Variants in MB observed in about 807,000 individuals in gnomAD.
The protein encoded by MB is myoglobin.
Under a neutral mutation model 14.5 loss-of-function variants are expected in MB, and 10 were observed. The observed-to-expected ratio is 0.69, with a 90% CI of 0.43 to 1.17. The LOEUF is 1.17. MB is among the 50% of genes most tolerant of loss of function. MB has a pLI of 0.00. For synonymous variants in MB, 89 were observed against 78.6 expected (o/e 1.13, Z -0.70); for missense variants, 169 against 192.7 (o/e 0.88, Z 0.73).
chr22:35,608,103 T>C lies in MB; in HGVS notation c.319-660A>G, dbSNP rs1922295185. Among the ~76,000 whole-genome samples, 1 of 152,160 alleles carries C rather than the reference T, an allele frequency of 6.6e-6. No homozygotes were observed. The highest frequency in any genetic ancestry group is 1.5e-5 in the Non-Finnish European group (1 of 68,030). On this transcript the variant is annotated intron_variant, in intron 2 of 2. Transcript: ENST00000397326. This position sits in a 1 kb window ranked among gnomAD's most constrained non-coding sequence, Gnocchi z 4.3. ...GAATGTCTGCTATCAGCCTCAGCAT[T>C]GCCATTTGCTTTAGTACCCACAGTC...
At chr22:35,623,160 A>T (rs563662935) in intron 1 of MB, 2 of 152,452 alleles carry the variant, frequency 1.3e-5, no homozygotes, top group East Asian at 3.9e-4. Flanking sequence ...CACTTGAGAG[A>T]ACTGAGGCAC....
chr22:35,615,042 C>T (rs567730858), intron 1 of MB, among the ~76,000 whole-genome samples: 1 of 152,218 alleles, frequency 6.6e-6, no homozygotes, highest in Non-Finnish European at 1.5e-5. Context: ...CTCCAAGTGA[C>T]CTTCCAGCTT....
At chr22:35,615,423 C>T (rs1409432901) in intron 1 of MB, among the ~76,000 whole-genome samples, 2 of 152,168 alleles carry the variant, frequency 1.3e-5, no homozygotes, top group Non-Finnish European at 2.9e-5. Context: ...ATGTCTTATC[C>T]CTGGCTCCCG....
At chr22:35,621,359 T>C (rs1923447360), upstream of MB, among the ~76,000 whole-genome samples, 1 of 152,142 alleles carries the variant, frequency 6.6e-6, no homozygotes, top group Admixed American at 6.5e-5. Context: ...TGTAGAATCA[T>C]CCTCAAGGCT....
upstream of MB, among the ~76,000 whole-genome samples, chr22:35,621,611 C>T (rs1350055162): frequency 2.0e-5 from 3 of 152,194 alleles, no homozygotes; most frequent in Non-Finnish European, 4.4e-5. Flanking sequence ...TGCTTGAATA[C>T]TCCTGGGAGT....
At chr22:35,620,049 TG>T (rs1324692242), upstream of MB, among the ~76,000 whole-genome samples, 1 of 152,164 alleles carries the variant, frequency 6.6e-6, no homozygotes, top group East Asian at 1.9e-4. Context: ...TAAAATGCCA[TG>T]GGGGGCCGGG....
intron 1 of MB, among the ~76,000 whole-genome samples, chr22:35,611,660 G>A (rs1922640388): frequency 6.6e-6 from 1 of 152,120 alleles, no homozygotes; most frequent in Non-Finnish European, 1.5e-5. Flanking sequence ...GAACCTCCCA[G>A]TCCCCTCACT....
At chr22:35,610,825 C>G in intron 2 of MB, 59 bp downstream of exon 2, 1 of 1,376,708 alleles carries the variant, frequency 7.3e-7, no homozygotes, top group Non-Finnish European at 1.0e-6. Flanking sequence ...AACCCAGATC[C>G]CATTGCCCCA....
intron 2 of MB, among the ~76,000 whole-genome samples, chr22:35,607,870 G>A (rs917292134): frequency 5.3e-5 from 8 of 152,200 alleles, no homozygotes; most frequent in African/African-American, 1.9e-4. Context: ...TCAGGATTTT[G>A]CAATCAGAAA....
chr22:35,609,083 T>C (rs938811152), intron 2 of MB, among the ~76,000 whole-genome samples: 2 of 152,098 alleles, frequency 1.3e-5, no homozygotes, highest in African/African-American at 4.8e-5. Context: ...GGCTGCATGG[T>C]TTTTTCTATC....
At position 35,610,330 on chromosome 22, in the gene MB, G is replaced by A. The variant is rs1922510961; in HGVS notation, c.318+554C>T. Among the ~76,000 whole-genome samples, 5 of 152,320 alleles carry A rather than the reference G, an allele frequency of 3.3e-5. No individual in the cohort carries two copies. The South Asian group carries it at 1.0e-3, about 32-fold the overall frequency. ...GTCCTGTCTCTTCATCTGTGAAGAT[G>A]CTGGAACCAATAGAGCCAACCTGCT... On this transcript the variant is annotated intron_variant, in intron 2 of 2. Coordinates refer to ENST00000397326, the MANE Select transcript of MB (RefSeq NM_005368.3).
intron 1 of MB, 46 bp from the exon 2 acceptor site, chr22:35,611,152 G>A (rs753758895): frequency 2.5e-5 from 35 of 1,401,180 alleles, no homozygotes; most frequent in Non-Finnish European, 3.3e-5. Flanking sequence ...GGTGCGGTGT[G>A]AGGTCTGGGG....
At chr22:35,615,986 C>G (rs1923052727) in intron 1 of MB, among the ~76,000 whole-genome samples, 1 of 152,210 alleles carries the variant, frequency 6.6e-6, no homozygotes, top group Admixed American at 6.5e-5. Flanking sequence ...ACCAGCCATG[C>G]TCCCGAGGTA....
At chr22:35,611,213 C>G (rs950424793) in intron 1 of MB, 107 bp from the exon 2 acceptor site, 1 of 762,204 alleles carries the variant, frequency 1.3e-6, no homozygotes, top group Non-Finnish European at 2.2e-6. Context: ...AGCTGTGTGA[C>G]CTTGGGCCAT....
upstream of MB, among the ~76,000 whole-genome samples, chr22:35,619,911 G>T (rs975472859): frequency 2.0e-5 from 3 of 152,204 alleles, no homozygotes; most frequent in South Asian, 2.1e-4. Context: ...AGGGTCAGAG[G>T]CACCGGCTGC....
upstream of MB, among the ~76,000 whole-genome samples, chr22:35,620,546 G>A (rs1041663813): frequency 1.3e-5 from 2 of 152,210 alleles, no homozygotes; most frequent in African/African-American, 2.4e-5. Flanking sequence ...CTGGTCACTC[G>A]CTGGAGGTGA....
At chr22:35,616,314 T>C (rs1923075737) in intron 1 of MB, among the ~76,000 whole-genome samples, 2 of 152,136 alleles carry the variant, frequency 1.3e-5, no homozygotes, top group Non-Finnish European at 2.9e-5. Context: ...CCACCCTCTA[T>C]TTACAAACCT....
upstream of MB, among the ~76,000 whole-genome samples, chr22:35,621,077 C>T (rs1923431251): frequency 6.6e-6 from 1 of 152,200 alleles, no homozygotes; most frequent in Non-Finnish European, 1.5e-5. Context: ...CCTGGAGTCA[C>T]CAGCTCTGTT....
chr22:35,617,689 T>G, upstream of MB: 1 of 172,098 alleles, frequency 5.8e-6, no homozygotes, highest in South Asian at 1.4e-4. Context: ...GGACCTGTCA[T>G]GTTTCTAAGC....
Sources: gnomAD v4.1 joint callset for allele counts (sites outside exome capture counted in the v4.1 genomes callset) on GRCh38, gnomAD v4.1.1 for gene constraint, Gnocchi (gnomAD v3.1) non-coding constraint, MANE v1.5 for transcripts, NCBI Gene and HGNC (gene_info 2026-07-23, HGNC 2026-07-21) for gene names.